Variants in LARP4B observed in about 807,000 individuals in gnomAD.
LARP4B encodes the protein La ribonucleoprotein 4B.
Under a neutral mutation model 89.8 loss-of-function variants are expected in LARP4B, and 12 were observed. The observed-to-expected ratio is 0.13, with a 90% CI of 0.09 to 0.22. LARP4B has a LOEUF of 0.22. Ranked by LOEUF, LARP4B falls within the 10% of genes least tolerant of loss-of-function variation. The probability of loss-of-function intolerance (pLI) is 1.00; values close to 1 mark genes in which losing one functional copy is unlikely to be tolerated. For synonymous variants in LARP4B, 367 were observed against 363.3 expected (o/e 1.01, Z -0.12); for missense variants, 757 against 947.7 (o/e 0.80, Z 2.64).
chr10:955,805 A>G, the LARP4B span, among the ~76,000 whole-genome samples: 2 of 152,194 alleles, frequency 1.3e-5, no homozygotes, highest in Non-Finnish European at 2.9e-5. This position sits in a 1 kb window ranked among gnomAD's most constrained non-coding sequence, Gnocchi z 5.2. Flanking sequence ...ATTAAAAAAA[A>G]AAGAACTCTA....
the LARP4B span, among the ~76,000 whole-genome samples, chr10:936,925 T>C: frequency 6.6e-6 from 1 of 152,152 alleles, no homozygotes; most frequent in Non-Finnish European, 1.5e-5. Flanking sequence ...ACGCATGAGC[T>C]TTTACAGATA....
intron 7 of LARP4B, among the ~76,000 whole-genome samples, chr10:841,413 G>GGAGGA (rs1424267946): frequency 6.6e-6 from 1 of 152,202 alleles, no homozygotes; most frequent in Non-Finnish European, 1.5e-5. Flanking sequence ...AAAAAAGGCG[G>GGAGGA]GAGGAGATGG....
intron 5 of LARP4B, among the ~76,000 whole-genome samples, chr10:850,186 G>A (rs1833970254): frequency 6.6e-6 from 1 of 152,156 alleles, no homozygotes; most frequent in Non-Finnish European, 1.5e-5. Context: ...CAAATAGCAA[G>A]ATGAGAGACC....
intron 14 of LARP4B, chr10:819,628 T>C (rs746429848): frequency 5.9e-5 from 9 of 152,192 alleles, no homozygotes; most frequent in Non-Finnish European, 8.8e-5. Flanking sequence ...GGAAGAGAAA[T>C]GGCTGTGGGA....
the LARP4B span, among the ~76,000 whole-genome samples, chr10:940,434 A>C: frequency 1.3e-5 from 2 of 152,220 alleles, no homozygotes; most frequent in African/African-American, 4.8e-5. Flanking sequence ...GATTGCAGGC[A>C]TGAGCCATCA....
chr10:903,448 T>C (rs1336172531), intron 1 of LARP4B: 5 of 152,252 alleles, frequency 3.3e-5, no homozygotes, highest in Admixed American at 6.5e-5. Flanking sequence ...TTTAATTCCA[T>C]TTTGAATATG....
At chr10:829,776 TA>T in intron 9 of LARP4B, 42 bp from the exon 10 acceptor site, 1 of 1,433,050 alleles carries the variant, frequency 7.0e-7, no homozygotes, top group East Asian at 2.3e-5. Context: ...CGATTAACCT[TA>T]TGAATAAGAG....
chr10:870,021 C>T (rs921618075), intron 3 of LARP4B: 15 of 983,484 alleles, frequency 1.5e-5, no homozygotes, highest in African/African-American at 5.3e-5. Context: ...ACGAACTGTC[C>T]GTCTCTATCA....
At chr10:863,655 T>A (rs771104783) in intron 5 of LARP4B, 88 bp downstream of exon 5, 12 of 1,344,010 alleles carry the variant, frequency 8.9e-6, no homozygotes, top group Non-Finnish European at 1.2e-5. Context: ...AAAGACCCAT[T>A]GTGTAGAGAA....
rs1202513090 is a variant in LARP4B, at chr10:853,026, C to A, written c.431-7971G>T. On this transcript the variant is annotated intron_variant, in intron 5 of 17. Transcript: ENST00000316157. Reference sequence around the variant, plus strand: ...TTGTTCAGATGTCAATGTTCTCCAACTGATCTATAGATTCAGTGAACCCCC... The same window carrying A: ...TTGTTCAGATGTCAATGTTCTCCAAATGATCTATAGATTCAGTGAACCCCC... Among the ~76,000 whole-genome samples, 3 of 152,194 alleles carry A rather than the reference C, an allele frequency of 2.0e-5. No individual in the cohort carries two copies. The East Asian group carries it at 5.8e-4, about 29-fold the overall frequency.
chr10:922,311 G>A (rs745349304), intron 1 of LARP4B, among the ~76,000 whole-genome samples: 3 of 152,222 alleles, frequency 2.0e-5, no homozygotes, highest in South Asian at 2.1e-4. Flanking sequence ...GTGCAGCGCA[G>A]TTCCTACCAG....
At chr10:860,594 G>T (rs1834548126) in intron 5 of LARP4B, among the ~76,000 whole-genome samples, 1 of 152,130 alleles carries the variant, frequency 6.6e-6, no homozygotes, top group South Asian at 2.1e-4. Context: ...TCCATGAATA[G>T]GGGAATAGAA....
intron 8 of LARP4B, among the ~76,000 whole-genome samples, chr10:832,750 AG>A (rs1174800955): frequency 4.6e-5 from 7 of 152,212 alleles, no homozygotes; most frequent in Non-Finnish European, 1.0e-4. Flanking sequence ...AGGTGAAATA[AG>A]ATTTTCCCAA....
rs758166747 is a variant in LARP4B, at chr10:865,613, G to T, written c.142-1343C>A. Among the ~76,000 whole-genome samples, 65 of 151,956 alleles carry T rather than the reference G, an allele frequency of 4.3e-4. 2 individuals carry two copies. The highest frequency in any genetic ancestry group is 8.5e-4 in the Non-Finnish European group (58 of 68,004). ...GACTGGTGGTCCTTCCTGACACAGC[G>T]AATAAACCCACAAAAGTCCCCCACC... On this transcript the variant is annotated intron_variant, in intron 3 of 17. Transcript: ENST00000316157.
At chr10:906,482 G>C (rs1027763809) in intron 1 of LARP4B, among the ~76,000 whole-genome samples, 2 of 152,214 alleles carry the variant, frequency 1.3e-5, no homozygotes, top group African/African-American at 4.8e-5. Context: ...GAAGCCCAGC[G>C]CCAGTGTGGT....
At chr10:915,699 G>A (rs961314820) in intron 1 of LARP4B, among the ~76,000 whole-genome samples, 5 of 149,442 alleles carry the variant, frequency 3.3e-5, no homozygotes, top group South Asian at 2.1e-4. Flanking sequence ...AGCTACTCAG[G>A]AGGCTGAGGC....
chr10:864,491 A>C (rs1360097192), intron 3 of LARP4B, among the ~76,000 whole-genome samples: 2 of 151,826 alleles, frequency 1.3e-5, no homozygotes, highest in Admixed American at 6.6e-5. Context: ...TCCTCCCAAG[A>C]CCAAGGCTTG....
chr10:820,529 C>T (rs994691700), intron 14 of LARP4B: 15 of 426,570 alleles, frequency 3.5e-5, no homozygotes, highest in Middle Eastern at 6.1e-4. Flanking sequence ...GCAGTGCATG[C>T]GACAGCAAGT....
In LARP4B at chr10:844,965, C is replaced by T; in HGVS notation, c.509+12G>A. 1 of 1,600,780 alleles carries T rather than the reference C, an allele frequency of 6.2e-7. No individual in the cohort carries two copies. The highest frequency in any genetic ancestry group is 1.7e-4 in the Middle Eastern group (1 of 5,972). ...AAATATCAGGTACTAGAAAAACCAC[C>T]ACCAGCCTTACCTAGATAAGCAGAA... On this transcript the variant is annotated intron_variant, in intron 6 of 17. Transcript: ENST00000316157.
Sources: gnomAD v4.1 joint callset for allele counts (sites outside exome capture counted in the v4.1 genomes callset) on GRCh38, gnomAD v4.1.1 for gene constraint, Gnocchi (gnomAD v3.1) non-coding constraint, MANE v1.5 for transcripts, NCBI Gene and HGNC (gene_info 2026-07-23, HGNC 2026-07-21) for gene names.